Variants in MYO3B observed in about 807,000 individuals in gnomAD.
MYO3B encodes the protein myosin IIIB.
Under a neutral mutation model 174.6 loss-of-function variants are expected in MYO3B, and 156 were observed. The ratio of observed to expected loss-of-function variants is 0.89; its 90% CI spans 0.78 to 1.02. The LOEUF is 1.02. Ranked by LOEUF, MYO3B falls within the 50% of genes least tolerant of loss-of-function variation. The pLI is 0.00. For missense variants in MYO3B, 1,632 were observed against 1,639.4 expected, an observed-to-expected ratio of 1.00 and a Z score of 0.08; for synonymous variants, 563 against 569.1, an observed-to-expected ratio of 0.99 and a Z score of 0.15.
At chr2:170,618,605 G>A (rs1695619787) in intron 32 of MYO3B, among the ~76,000 whole-genome samples, 1 of 152,138 alleles carries the variant, frequency 6.6e-6, no homozygotes, top group Non-Finnish European at 1.5e-5. Flanking sequence ...AGCAGGTTGG[G>A]AAATAATAGA....
At chr2:170,397,312 A>AT (rs1558959341) in intron 16 of MYO3B, among the ~76,000 whole-genome samples, 1 of 152,178 alleles carries the variant, frequency 6.6e-6, no homozygotes, top group Non-Finnish European at 1.5e-5. Flanking sequence ...AGTAATGTTT[A>AT]TAGGAAGTTG....
intron 32 of MYO3B, among the ~76,000 whole-genome samples, chr2:170,571,008 C>G (rs1353680054): frequency 6.6e-6 from 1 of 152,074 alleles, no homozygotes; most frequent in Non-Finnish European, 1.5e-5. Context: ...AGGATTACCT[C>G]CAAAAAACAT....
intron 7 of MYO3B, among the ~76,000 whole-genome samples, chr2:170,252,063 C>T (rs982812816): frequency 1.3e-5 from 2 of 152,190 alleles, no homozygotes; most frequent in African/African-American, 4.8e-5. Context: ...CTTGATCTGG[C>T]ATAGTTCACC....
chr2:170,313,461 T>C (rs573858765), intron 7 of MYO3B, among the ~76,000 whole-genome samples: 153 of 152,202 alleles, frequency 1.0e-3, no homozygotes, highest in Non-Finnish European at 1.7e-3. Flanking sequence ...AACCTACAGC[T>C]GAGCCCATCT....
In MYO3B at chr2:170,369,375, C is replaced by A; in HGVS notation, c.969C>A (p.Thr323=). The A allele has an allele frequency of 8.1e-6, 13 of 1,613,062 alleles. No individual in the cohort carries two copies. Among genetic ancestry groups the A allele is most frequent in the Non-Finnish European group, 1.1e-5 (13 of 1,179,338 alleles). Residue 323 remains threonine, a splice_region_variant and synonymous_variant, in exon 9 of 35, where the codon ACC becomes ACA. Transcript: ENST00000408978. ...AGCATCAAAATCCTGTTGCTAAAAC[C>A]AGGTACTGTACTCTCTTTCTTCTTT... ...DQKHQNPVAK[T]RHERMHTRRP... is the part of the protein sequence containing the mutation.
intron 29 of MYO3B, among the ~76,000 whole-genome samples, chr2:170,518,526 C>T (rs1267617526): frequency 1.3e-5 from 2 of 152,098 alleles, no homozygotes; most frequent in African/African-American, 2.4e-5. Context: ...AGTTCCCATC[C>T]CAGATCAATA....
chr2:170,575,705 A>G (rs970151454), intron 32 of MYO3B, among the ~76,000 whole-genome samples: 1 of 152,240 alleles, frequency 6.6e-6, no homozygotes, highest in Non-Finnish European at 1.5e-5. Context: ...CTGGGTAACA[A>G]GATTATAGGC....
At chr2:170,182,302 A>T (rs1304459236) in intron 1 of MYO3B, among the ~76,000 whole-genome samples, 1 of 152,176 alleles carries the variant, frequency 6.6e-6, no homozygotes, top group African/African-American at 2.4e-5. Context: ...GAAAGGAATG[A>T]GGTAGCAATC....
intron 32 of MYO3B, chr2:170,602,141 T>G (rs1458925599): frequency 1.1e-5 from 14 of 1,254,212 alleles, no homozygotes; most frequent in African/African-American, 2.9e-5. Context: ...TCTGGGTGCT[T>G]CTTCTTACAC....
At chr2:170,217,233 T>C (rs1574596561) in intron 5 of MYO3B, 86 bp from the exon 6 acceptor site, 1 of 1,146,858 alleles carries the variant, frequency 8.7e-7, no homozygotes, top group Non-Finnish European at 1.3e-6. Context: ...AAAGTACTTA[T>C]TTGGCCTTTG....
rs146775870 is a variant in MYO3B, at chr2:170,356,857, A to G, written c.816-12365A>G. On this transcript the variant is annotated intron_variant, in intron 8 of 34. Transcript: ENST00000408978. ...CAGTGGTACAATCATGGCTCACTGC[A>G]GCCTCAACCTCCTGGGCTCAAGCAG... 3.5e-3 allele frequency among the ~76,000 whole-genome samples: 535 copies of G among 152,132 alleles called. 3 individuals are homozygous for G. The highest frequency in any genetic ancestry group is 0.029 in the South Asian group (141 of 4,796).
Position 170,474,743 on chromosome 2 carries a change from C to CA in MYO3B, c.3014+8073dup, listed in dbSNP as rs55913448. ...GGGTGACAAGAGTGAAACTCCGTCT[C>CA]AAAAAAAAAAAAAAAAAAAAAAAAA... On this transcript the variant is annotated intron_variant, in intron 25 of 34. Transcript: ENST00000408978. Among the ~76,000 whole-genome samples the CA allele has an allele frequency of 5.3e-4, 20 of 37,586 alleles. 3 individuals are homozygous for CA. Among genetic ancestry groups the CA allele is most frequent in the East Asian group, 2.5e-3 (3 of 1,192 alleles). The allele number at this position is 37,586 out of a possible 152,430, so 24.7% of individuals were successfully genotyped here. A position where few individuals can be genotyped will look rare whatever the true frequency, so the allele number is the denominator to read the frequency against.
At position 170,498,719 on chromosome 2, in the gene MYO3B, T is replaced by C; in HGVS notation, c.3126+16T>C. The C allele has an allele frequency of 6.8e-7, 1 of 1,462,584 alleles. No individual in the cohort carries two copies. The highest frequency in any genetic ancestry group is 1.1e-5 in the South Asian group (1 of 87,758). 90.6% of individuals were successfully genotyped at this position (1,462,584 alleles called of 1,614,324 possible). On this transcript the variant is annotated intron_variant, in intron 26 of 34. Coordinates refer to ENST00000408978, the MANE Select transcript of MYO3B (RefSeq NM_138995.5). ...AAAAACAAAGGTAGTTCGTTCTTTA[T>C]TGTTCAAATTGTCCCGTATGATTTC...
At chr2:170,596,721 G>A (rs1228097481) in intron 32 of MYO3B, among the ~76,000 whole-genome samples, 1 of 152,196 alleles carries the variant, frequency 6.6e-6, no homozygotes, top group Non-Finnish European at 1.5e-5. Context: ...CCTAGAGAAG[G>A]CCCTTTAAGG....
intron 22 of MYO3B, among the ~76,000 whole-genome samples, chr2:170,440,990 C>T (rs998116310): frequency 4.0e-5 from 6 of 151,622 alleles, no homozygotes; most frequent in African/African-American, 4.8e-5. Context: ...TTAGTAGAGA[C>T]GGGGTTTCAC....
intron 7 of MYO3B, among the ~76,000 whole-genome samples, chr2:170,244,285 T>C (rs927053389): frequency 6.6e-6 from 1 of 152,172 alleles, no homozygotes; most frequent in African/African-American, 2.4e-5. Flanking sequence ...AGTTCTAAAC[T>C]TAGGGTCATT....
intron 7 of MYO3B, among the ~76,000 whole-genome samples, chr2:170,301,974 T>C (rs2093668825): frequency 1.3e-5 from 2 of 150,550 alleles, no homozygotes; most frequent in South Asian, 2.1e-4. Flanking sequence ...TAAAGCCTTA[T>C]TGGAAAATTC....
At chr2:170,441,695 G>A (rs968738272) in intron 22 of MYO3B, among the ~76,000 whole-genome samples, 1 of 152,176 alleles carries the variant, frequency 6.6e-6, no homozygotes, top group Non-Finnish European at 1.5e-5. Context: ...ACCATATAGG[G>A]TAACTTCCTG....
intron 32 of MYO3B, among the ~76,000 whole-genome samples, chr2:170,619,069 G>A (rs1018005982): frequency 6.6e-6 from 1 of 152,204 alleles, no homozygotes; most frequent in Non-Finnish European, 1.5e-5. Flanking sequence ...GAAATTCTCA[G>A]AAGGGAGTAT....
Sources: allele counts gnomAD v4.1 joint callset (sites outside exome capture counted in the v4.1 genomes callset), GRCh38; gene constraint gnomAD v4.1.1; transcripts MANE v1.5; gene names NCBI Gene and HGNC (gene_info 2026-07-23, HGNC 2026-07-21).